RIC1: variants seen among roughly 807,000 people sequenced by gnomAD.
The protein encoded by RIC1 is guanine nucleotide exchange factor subunit RIC1.
A neutral mutation model predicts 169.0 loss-of-function variants in RIC1; 88 were observed. The observed-to-expected ratio is 0.52, with a 90% CI of 0.44 to 0.62. The LOEUF is 0.62. Among genes scored for constraint, RIC1 ranks in the 20% least tolerant of loss-of-function variants. RIC1 has a pLI of 0.00. For missense variants in RIC1, 1,877 were observed against 1,725.5 expected, an observed-to-expected ratio of 1.09 and a Z score of -1.56; for synonymous variants, 790 against 601.5, an observed-to-expected ratio of 1.31 and a Z score of -4.59.
At position 5,765,771 on chromosome 9, in the gene RIC1, G is replaced by C; in HGVS notation, c.3110G>C (p.Ser1037Thr). The C allele has an allele frequency of 4.3e-6, 7 of 1,614,142 alleles. No homozygotes were observed. The highest frequency in any genetic ancestry group is 5.9e-6 in the Non-Finnish European group (7 of 1,179,988). ...ASKFSLQKTL[S>T]MPSGPSGKRW... The stretch of plus-strand genomic sequence containing the variant: ...AAATTCAGTTTACAGAAAACACTAA[G>C]TATGCCATCTGGTCCCTCTGGAAAA... The change falls in exon 21 of 26, where the codon AGT becomes ACT. Residue 1037 changes from serine (S) to threonine (T), a missense_variant. Ser to Thr is a moderately conservative substitution (Grantham distance 58, BLOSUM62 1). This residue lies in a region of RIC1 where 681 missense variants were observed against 582.0 expected (regional missense o/e 1.17). Coordinates refer to ENST00000414202, the MANE Select transcript of RIC1 (RefSeq NM_020829.4).
At position 5,773,948 on chromosome 9, in the gene RIC1, C is replaced by T. The variant is rs1477963907; in HGVS notation, c.3984-10C>T. 1.3e-6 allele frequency: 2 copies of T among 1,546,622 alleles called. No homozygotes were observed. Among genetic ancestry groups the T allele is most frequent in the Admixed American group, 2.1e-5 (1 of 47,748 alleles). Reference sequence around the variant, plus strand: ...TGGCAGATGAGCTAATGTTTTTTTTCTCTACATAGTCCTGGATATAAGCCA... The same window carrying T: ...TGGCAGATGAGCTAATGTTTTTTTTTTCTACATAGTCCTGGATATAAGCCA... On this transcript the variant is annotated splice_polypyrimidine_tract_variant and intron_variant, in intron 25 of 25. Coordinates refer to ENST00000414202, the MANE Select transcript of RIC1 (RefSeq NM_020829.4).
At chr9:5,654,101 G>A (rs764096962) in intron 1 of RIC1, among the ~76,000 whole-genome samples, 1 of 152,130 alleles carries the variant, frequency 6.6e-6, no homozygotes, top group Non-Finnish European at 1.5e-5. Context: ...CCAGGCTCGA[G>A]CAATCTCCCA....
chr9:5,729,005 C>A (rs970784308), intron 6 of RIC1, among the ~76,000 whole-genome samples: 1 of 152,120 alleles, frequency 6.6e-6, no homozygotes, highest in African/African-American at 2.4e-5. Flanking sequence ...CATACCCTTC[C>A]CTCTGTCCCT....
intron 1 of RIC1, among the ~76,000 whole-genome samples, chr9:5,655,681 G>A (rs115483729): frequency 0.011 from 1,729 of 152,284 alleles, 47 homozygotes; most frequent in African/African-American, 0.04. Context: ...TGATTTTTCT[G>A]TAGCCTGTTG....
rs113757546 is a variant in RIC1, at chr9:5,696,278, G to A, written c.332+6240G>A. On this transcript the variant is annotated intron_variant, in intron 3 of 25. Coordinates refer to ENST00000414202, the MANE Select transcript of RIC1 (RefSeq NM_020829.4). ...AACAATTTTTTTTTTTTTCCAAAACGAAGTCCAAGCTCTCTGGCCTGGCAT... is the reference window on the plus strand; with the variant it reads ...AACAATTTTTTTTTTTTTCCAAAACAAAGTCCAAGCTCTCTGGCCTGGCAT... 6.3e-3 allele frequency among the ~76,000 whole-genome samples: 943 copies of A among 150,180 alleles called. 6 individuals carry two copies. Among genetic ancestry groups the A allele is most frequent in the Non-Finnish European group, 0.011 (755 of 67,716 alleles).
chr9:5,731,728 T>TGGTA, intron 6 of RIC1, among the ~76,000 whole-genome samples: 1 of 152,186 alleles, frequency 6.6e-6, no homozygotes, highest in Non-Finnish European at 1.5e-5. Context: ...GCTTGTTGAA[T>TGGTA]GGTAGGCATT....
intron 1 of RIC1, among the ~76,000 whole-genome samples, chr9:5,655,912 G>A (rs1257918706): frequency 6.6e-6 from 1 of 152,018 alleles, no homozygotes; most frequent in East Asian, 1.9e-4. Flanking sequence ...TGTCACCTAG[G>A]CTGGAGTGCA....
intron 15 of RIC1, among the ~76,000 whole-genome samples, chr9:5,755,426 A>G (rs999490683): frequency 6.6e-6 from 1 of 152,200 alleles, no homozygotes; most frequent in Non-Finnish European, 1.5e-5. Flanking sequence ...TAATAATAAA[A>G]CAATTATGAC....
At chr9:5,741,480 C>G (rs1264495065) in intron 8 of RIC1, among the ~76,000 whole-genome samples, 1 of 152,066 alleles carries the variant, frequency 6.6e-6, no homozygotes, top group Non-Finnish European at 1.5e-5. Flanking sequence ...CTTAACCTAA[C>G]TTTAAATTTT....
chr9:5,687,902 G>A (rs895605401), intron 2 of RIC1, among the ~76,000 whole-genome samples: 2 of 151,788 alleles, frequency 1.3e-5, no homozygotes, highest in Non-Finnish European at 2.9e-5. Flanking sequence ...TTTTGTTTCT[G>A]TTTTATTTTG....
At chr9:5,687,835 C>T (rs943377304) in intron 2 of RIC1, among the ~76,000 whole-genome samples, 5 of 152,066 alleles carry the variant, frequency 3.3e-5, no homozygotes, top group African/African-American at 9.7e-5. Context: ...CCCTGTCATG[C>T]GGAGACTCTG....
At chr9:5,715,380 A>G (rs1204180137) in intron 4 of RIC1, among the ~76,000 whole-genome samples, 1 of 152,202 alleles carries the variant, frequency 6.6e-6, no homozygotes, top group Non-Finnish European at 1.5e-5. Flanking sequence ...ATCTTGTCCA[A>G]GTTTAACCTG....
At chr9:5,631,176 G>T (rs1817697193) in intron 1 of RIC1, among the ~76,000 whole-genome samples, 1 of 152,170 alleles carries the variant, frequency 6.6e-6, no homozygotes, top group Non-Finnish European at 1.5e-5. Flanking sequence ...TGGTTTTGGA[G>T]TTACATACGA....
At chr9:5,678,977 G>C (rs972398693) in intron 2 of RIC1, among the ~76,000 whole-genome samples, 21 of 151,858 alleles carry the variant, frequency 1.4e-4, no homozygotes, top group Non-Finnish European at 2.8e-4. Context: ...TATGGTTTTA[G>C]GTCTAACATT....
chr9:5,769,326 A>G lies in RIC1; in HGVS notation c.3424+70A>G, dbSNP rs144924840. ...ACTCCGTGTATTTACACATTTTGCT[A>G]TTAGTTGATATTCAAGGAATTATTT... On this transcript the variant is annotated intron_variant, in intron 22 of 25. Transcript: ENST00000414202. 3.4e-4 allele frequency: 548 copies of G among 1,613,778 alleles called. 4 individuals are homozygous for G. In the Middle Eastern group the frequency reaches 4.0e-3, roughly 12 times the overall value.
Position 5,631,685 on chromosome 9 carries a change from C to CAA in RIC1, c.144+2252_144+2253dup, listed in dbSNP as rs34448140. 2.5e-3 allele frequency among the ~76,000 whole-genome samples: 164 copies of CAA among 66,296 alleles called. 2 individuals carry two copies. The highest frequency in any genetic ancestry group is 7.6e-3 in the Middle Eastern group (1 of 132). The allele number at this position is 66,296 out of a possible 152,430, so 43.5% of individuals were successfully genotyped here. A position where few individuals can be genotyped will look rare whatever the true frequency, so the allele number is the denominator to read the frequency against. ...CTGGCGACAGAGCAAGACTCTGTCT[C>CAA]AAAAAAAAAAAAAAAAAAAAATCAA... On this transcript the variant is annotated intron_variant, in intron 1 of 25. Coordinates refer to ENST00000414202, the MANE Select transcript of RIC1 (RefSeq NM_020829.4).
chr9:5,771,025 C>T (rs1254189809), intron 23 of RIC1, among the ~76,000 whole-genome samples: 2 of 152,030 alleles, frequency 1.3e-5, no homozygotes, highest in Non-Finnish European at 2.9e-5. Flanking sequence ...TGAGCTTCTG[C>T]TATGTGAGGA....
At chr9:5,686,087 A>C (rs1167337599) in intron 2 of RIC1, among the ~76,000 whole-genome samples, 4 of 151,848 alleles carry the variant, frequency 2.6e-5, no homozygotes, top group Non-Finnish European at 5.9e-5. Flanking sequence ...ATATCATCTC[A>C]CACCAGTTAG....
At position 5,738,409 on chromosome 9, in the gene RIC1, T is replaced by C. The variant is rs889147024; in HGVS notation, c.813-41T>C. 3.7e-6 allele frequency: 5 copies of C among 1,335,510 alleles called. No individual in the cohort carries two copies. The Admixed American group carries it at 9.4e-5, about 25-fold the overall frequency. The allele number at this position is 1,335,510 out of a possible 1,614,324, so 82.7% of individuals were successfully genotyped here. A position where few individuals can be genotyped will look rare whatever the true frequency, so the allele number is the denominator to read the frequency against. ...CTATAATGCTTTTTCTATTTGTATTTGTCTTTTTTCACTAAAAGTTTTTCG... is the reference window on the plus strand; with the variant it reads ...CTATAATGCTTTTTCTATTTGTATTCGTCTTTTTTCACTAAAAGTTTTTCG... On this transcript the variant is annotated intron_variant, in intron 7 of 25. Coordinates refer to ENST00000414202, the MANE Select transcript of RIC1 (RefSeq NM_020829.4).
Sources: gnomAD v4.1 joint callset for allele counts (sites outside exome capture counted in the v4.1 genomes callset) on GRCh38, gnomAD v4.1.1 for gene constraint, gnomAD v4.1.1 regional missense constraint, MANE v1.5 for transcripts, NCBI Gene and HGNC (gene_info 2026-07-23, HGNC 2026-07-21) for gene names.